DAB1: variants seen among roughly 807,000 people sequenced by gnomAD.
The protein encoded by DAB1 is DAB adaptor protein 1.
In DAB1, 15 loss-of-function variants were observed where a neutral mutation model predicts 64.6. That is an observed-to-expected ratio of 0.23 (90% CI 0.16 to 0.36). DAB1 has a LOEUF of 0.36. Ranked by LOEUF, DAB1 falls within the 10% of genes least tolerant of loss-of-function variation. The pLI, the probability that DAB1 is intolerant of heterozygous loss-of-function variation, is 1.00. For missense variants in DAB1, 596 were observed against 706.7 expected (o/e 0.84, Z 1.78); for synonymous variants, 235 against 251.9 (o/e 0.93, Z 0.64).
chr1:57,470,322 C>T (rs1451085111), intron 7 of DAB1, among the ~76,000 whole-genome samples: 1 of 152,186 alleles, frequency 6.6e-6, no homozygotes, highest in Non-Finnish European at 1.5e-5. Context: ...CAGCTTTTCA[C>T]CTCCAGAATT....
intron 4 of DAB1, among the ~76,000 whole-genome samples, chr1:58,241,791 T>C (rs1234845204): frequency 6.6e-6 from 1 of 152,048 alleles, no homozygotes; most frequent in Non-Finnish European, 1.5e-5. Flanking sequence ...ACCTATCAAA[T>C]TAGCAAAAGT....
At chr1:57,381,369 G>A (rs1317378903) in intron 1 of DAB1, among the ~76,000 whole-genome samples, 1 of 152,160 alleles carries the variant, frequency 6.6e-6, no homozygotes, top group Non-Finnish European at 1.5e-5. Context: ...CAACAAGAGA[G>A]TGTAATTACA....
chr1:57,777,020 A>G (rs1218513754), intron 6 of DAB1, among the ~76,000 whole-genome samples: 2 of 148,082 alleles, frequency 1.4e-5, no homozygotes, highest in Non-Finnish European at 3.0e-5. Flanking sequence ...CTCAGCTTCT[A>G]TTTTTCTAAA....
chr1:57,072,147 G>T (rs1049738431), intron 5 of DAB1, 136 bp downstream of exon 5: 1 of 937,638 alleles, frequency 1.1e-6, no homozygotes, highest in African/African-American at 1.7e-5. Context: ...TTCTAGATGG[G>T]AATGTGAGCA....
chr1:58,408,895 T>G (rs1644641591), intron 3 of DAB1, among the ~76,000 whole-genome samples: 1 of 152,124 alleles, frequency 6.6e-6, no homozygotes, highest in African/African-American at 2.4e-5. Context: ...CCTGCATTCA[T>G]TCAACACACA....
intron 6 of DAB1, among the ~76,000 whole-genome samples, chr1:57,809,707 G>C (rs921050754): frequency 1.3e-5 from 2 of 152,086 alleles, no homozygotes; most frequent in Admixed American, 6.6e-5. Flanking sequence ...CTCCCCACAT[G>C]ACACCATAGC....
chr1:57,749,590 C>T (rs1051563264), intron 6 of DAB1, among the ~76,000 whole-genome samples: 1 of 152,160 alleles, frequency 6.6e-6, no homozygotes, highest in Non-Finnish European at 1.5e-5. Context: ...CAGTTGTCCA[C>T]AGTCCTCTCC....
At position 57,769,368 on chromosome 1, in the gene DAB1, A is replaced by G. The variant is rs77591918; in HGVS notation, n.551+114631T>C. On this transcript the variant is annotated intron_variant and non_coding_transcript_variant, in intron 6 of 20. Coordinates refer to the DAB1 transcript ENST00000485760. ...CTGACCTTTCCTGGGTCTTGTGAGG[A>G]TCAACATTATGCTATGAGCTAGTCT... Among the ~76,000 whole-genome samples, 689 of 152,230 alleles carry G rather than the reference A, an allele frequency of 4.5e-3. 5 individuals carry two copies. Among genetic ancestry groups the G allele is most frequent in the African/African-American group, 0.016 (651 of 41,538 alleles).
At chr1:58,501,928 C>T (rs562769638) in intron 3 of DAB1, among the ~76,000 whole-genome samples, 1 of 151,832 alleles carries the variant, frequency 6.6e-6, no homozygotes, top group South Asian at 2.1e-4. Flanking sequence ...CTCCTCACTG[C>T]CCCCCACTCC....
chr1:58,133,612 C>T (rs1653770776), intron 5 of DAB1, among the ~76,000 whole-genome samples: 1 of 152,152 alleles, frequency 6.6e-6, no homozygotes, highest in Admixed American at 6.5e-5. Flanking sequence ...AGCAATTGAT[C>T]AATAAGTTTA....
At chr1:57,194,202 G>A (rs368531833) in intron 2 of DAB1, among the ~76,000 whole-genome samples, 8 of 152,286 alleles carry the variant, frequency 5.3e-5, no homozygotes, top group East Asian at 1.9e-4. Context: ...TGACCATTAC[G>A]GCTGTTTTCT....
chr1:57,141,528 TC>T (rs1417804231), intron 3 of DAB1, among the ~76,000 whole-genome samples: 1 of 152,212 alleles, frequency 6.6e-6, no homozygotes, highest in Non-Finnish European at 1.5e-5. Context: ...GTTGCTAGAT[TC>T]TGAGTACCTC....
intron 7 of DAB1, among the ~76,000 whole-genome samples, chr1:57,504,037 A>T (rs960431692): frequency 1.3e-5 from 2 of 152,176 alleles, no homozygotes; most frequent in African/African-American, 4.8e-5. Flanking sequence ...GGAAGCTCTC[A>T]AAATGTGTCC....
At chr1:57,995,148 G>A (rs1646405253) in intron 5 of DAB1, among the ~76,000 whole-genome samples, 1 of 152,114 alleles carries the variant, frequency 6.6e-6, no homozygotes, top group Non-Finnish European at 1.5e-5. Context: ...AGCTCCCCCA[G>A]GTACATGATT....
chr1:58,285,985 A>C (rs992580757), intron 4 of DAB1, among the ~76,000 whole-genome samples: 2 of 152,218 alleles, frequency 1.3e-5, no homozygotes, highest in South Asian at 2.1e-4. Flanking sequence ...CCAATGGAAC[A>C]GAACAGAGAA....
intron 4 of DAB1, among the ~76,000 whole-genome samples, chr1:57,122,438 C>A (rs1656750099): frequency 6.6e-6 from 1 of 152,138 alleles, no homozygotes; most frequent in African/African-American, 2.4e-5. Flanking sequence ...CCTTAGCTCT[C>A]CCAAACATGT....
chr1:57,291,347 C>T (rs1028039882), intron 1 of DAB1, among the ~76,000 whole-genome samples, 181 bp from the exon 2 acceptor site: 2 of 152,094 alleles, frequency 1.3e-5, no homozygotes, highest in African/African-American at 4.8e-5. Flanking sequence ...AGAGGCTTAG[C>T]GGCAAAACTG....
Position 57,088,954 on chromosome 1 carries a change from G to A in DAB1, c.307-16540C>T, listed in dbSNP as rs556623461. ...GGCAGTCTGGCTAGAGGACCGGAACGGTGAAGCACAATGGTTAAGGGCACA... is the reference window on the plus strand; with the variant it reads ...GGCAGTCTGGCTAGAGGACCGGAACAGTGAAGCACAATGGTTAAGGGCACA... On this transcript the variant is annotated intron_variant, in intron 4 of 14. Transcript: ENST00000371236. 2.2e-4 allele frequency among the ~76,000 whole-genome samples: 33 copies of A among 152,292 alleles called. 1 individual carries two copies. The South Asian group carries it at 4.1e-3, about 19-fold the overall frequency.
rs58605325 is a variant in DAB1 at position 57,612,195 on chromosome 1, T to TTGTG, written n.625+37393_625+37396dup. On this transcript the variant is annotated intron_variant and non_coding_transcript_variant, in intron 7 of 20. Transcript: ENST00000485760. ...TCACATATCCATGTTTGGCATGATC[T>TTGTG]TGTGTGTGTGTGTGTGTGTGTGTGC... Among the ~76,000 whole-genome samples, 713 of 149,656 alleles carry TTGTG rather than the reference T, an allele frequency of 4.8e-3. 5 individuals are homozygous for TTGTG. The highest frequency in any genetic ancestry group is 0.016 in the African/African-American group (645 of 40,622).
Sources: gnomAD v4.1 joint callset for allele counts (sites outside exome capture counted in the v4.1 genomes callset) on GRCh38, gnomAD v4.1.1 for gene constraint, MANE v1.5 for transcripts, NCBI Gene and HGNC (gene_info 2026-07-23, HGNC 2026-07-21) for gene names.